Variants in SLC24A2 observed in about 807,000 individuals in gnomAD.
SLC24A2 encodes the protein sodium/potassium/calcium exchanger 2.
A neutral mutation model predicts 62.0 loss-of-function variants in SLC24A2; 36 were observed. The ratio of observed to expected loss-of-function variants is 0.58; its 90% CI spans 0.44 to 0.77. The LOEUF is 0.77. Ranked by LOEUF, SLC24A2 falls within the 30% of genes least tolerant of loss-of-function variation. The pLI, the probability that SLC24A2 is intolerant of heterozygous loss-of-function variation, is 0.00. For synonymous variants in SLC24A2, 358 were observed against 294.0 expected (o/e 1.22, Z -2.23); for missense variants, 846 against 817.9 (o/e 1.03, Z -0.42).
intron 5 of SLC24A2, among the ~76,000 whole-genome samples, chr9:19,577,531 T>C (rs1305626033): frequency 6.6e-6 from 1 of 152,194 alleles, no homozygotes; most frequent in Non-Finnish European, 1.5e-5. Flanking sequence ...AGATAGGGGA[T>C]ACTCAACCTG....
the SLC24A2 span, among the ~76,000 whole-genome samples, chr9:20,149,003 T>C: frequency 6.6e-6 from 1 of 152,060 alleles, no homozygotes; most frequent in South Asian, 2.1e-4. Flanking sequence ...TTCTTCAACA[T>C]GGAGAGCCAA....
the SLC24A2 span, among the ~76,000 whole-genome samples, chr9:20,153,191 A>G: frequency 4.6e-5 from 7 of 152,008 alleles, no homozygotes; most frequent in African/African-American, 7.2e-5. Context: ...CAAAGGGTTC[A>G]GAAGGAATTT....
chr9:19,960,978 T>G, the SLC24A2 span, among the ~76,000 whole-genome samples: 2 of 151,102 alleles, frequency 1.3e-5, no homozygotes, highest in African/African-American at 4.9e-5. Context: ...CTAGACTAGG[T>G]GACAATATAT....
chr9:19,903,693 G>A, the SLC24A2 span, among the ~76,000 whole-genome samples: 2 of 152,150 alleles, frequency 1.3e-5, no homozygotes, highest in Non-Finnish European at 2.9e-5. Context: ...ACAGAGCCAT[G>A]AGAAAATGAT....
chr9:19,518,186 G>A (rs1416535910), intron 10 of SLC24A2, among the ~76,000 whole-genome samples: 1 of 151,904 alleles, frequency 6.6e-6, no homozygotes, highest in Non-Finnish European at 1.5e-5. Context: ...TAATAACAGG[G>A]AACTAGTTAA....
the SLC24A2 span, among the ~76,000 whole-genome samples, chr9:19,802,529 T>C: frequency 6.6e-6 from 1 of 152,200 alleles, no homozygotes; most frequent in African/African-American, 2.4e-5. Context: ...CACAATTATA[T>C]TATTAAAAGG....
chr9:20,079,381 T>A, the SLC24A2 span, among the ~76,000 whole-genome samples: 1 of 152,204 alleles, frequency 6.6e-6, no homozygotes, highest in Non-Finnish European at 1.5e-5. Context: ...ACATACACAG[T>A]TTTTTGCATT....
chr9:20,305,475 A>G, the SLC24A2 span, among the ~76,000 whole-genome samples: 2 of 152,176 alleles, frequency 1.3e-5, no homozygotes, highest in Admixed American at 1.3e-4. Flanking sequence ...GCTTTATAAT[A>G]GCAATTAACA....
chr9:20,232,219 G>A, the SLC24A2 span, among the ~76,000 whole-genome samples: 3 of 152,160 alleles, frequency 2.0e-5, no homozygotes, highest in Non-Finnish European at 2.9e-5. Context: ...GTCTCTGCCA[G>A]GCTTTGGTAT....
intron 3 of SLC24A2, 104 bp downstream of exon 3, chr9:19,622,157 G>T (rs1031373095): frequency 3.3e-6 from 3 of 897,062 alleles, no homozygotes; most frequent in African/African-American, 3.3e-5. Context: ...GTATTCCAAG[G>T]GAGAGAGTAA....
the SLC24A2 span, among the ~76,000 whole-genome samples, chr9:20,117,740 T>G: frequency 0.011 from 1,665 of 152,256 alleles, 15 homozygotes; most frequent in Non-Finnish European, 0.019. Flanking sequence ...CCCTTTACAA[T>G]AGCAATAATA....
At chr9:19,803,125 G>A in the SLC24A2 span, among the ~76,000 whole-genome samples, 1 of 152,150 alleles carries the variant, frequency 6.6e-6, no homozygotes. Context: ...CCCATTTATG[G>A]TATTTTTGTT....
the SLC24A2 span, among the ~76,000 whole-genome samples, chr9:19,888,289 G>T: frequency 5.9e-5 from 9 of 152,158 alleles, no homozygotes; most frequent in African/African-American, 1.9e-4. Flanking sequence ...AGGTGCAAAT[G>T]ACTTGAACGA....
the SLC24A2 span, among the ~76,000 whole-genome samples, chr9:20,190,575 T>C: frequency 6.6e-6 from 1 of 152,200 alleles, no homozygotes; most frequent in African/African-American, 2.4e-5. Flanking sequence ...TCCCATTGTT[T>C]AGAGAAAAGT....
chr9:19,860,926 A>G, the SLC24A2 span, among the ~76,000 whole-genome samples: 2 of 152,304 alleles, frequency 1.3e-5, no homozygotes, highest in South Asian at 4.1e-4. Context: ...CAGAAGCAGT[A>G]CAATAGAATA....
chr9:20,054,033 C>T, the SLC24A2 span, among the ~76,000 whole-genome samples: 6 of 152,112 alleles, frequency 3.9e-5, no homozygotes, highest in Non-Finnish European at 5.9e-5. Context: ...CCTGTTGCTG[C>T]TCTTAGTCTG....
the SLC24A2 span, among the ~76,000 whole-genome samples, chr9:20,252,951 A>G: frequency 1.3e-5 from 2 of 152,116 alleles, no homozygotes; most frequent in African/African-American, 4.8e-5. Context: ...TGACCTTCCA[A>G]TGGGATCATT....
the SLC24A2 span, among the ~76,000 whole-genome samples, chr9:19,852,372 T>C: frequency 1.3e-5 from 2 of 152,232 alleles, no homozygotes; most frequent in African/African-American, 4.8e-5. Flanking sequence ...GCTTTGGACA[T>C]TTTTGTCATG....
chr9:19,660,971 G>T (rs1442422219), intron 2 of SLC24A2, among the ~76,000 whole-genome samples: 1 of 152,122 alleles, frequency 6.6e-6, no homozygotes, highest in Non-Finnish European at 1.5e-5. Flanking sequence ...TCTGAGCTCG[G>T]ACATCCAGTA....
Sources: gnomAD v4.1 joint callset for allele counts (sites outside exome capture counted in the v4.1 genomes callset) on GRCh38, gnomAD v4.1.1 for gene constraint, MANE v1.5 for transcripts, NCBI Gene and HGNC (gene_info 2026-07-23, HGNC 2026-07-21) for gene names.